The following EGFLAM variants were observed in gnomAD, a reference collection of about 807,000 sequenced individuals.
EGFLAM encodes the protein pikachurin.
Under a neutral mutation model 113.1 loss-of-function variants are expected in EGFLAM, and 79 were observed. That is an observed-to-expected ratio of 0.70 (90% CI 0.58 to 0.84). The LOEUF is 0.84. Ranked by LOEUF, EGFLAM falls within the 40% of genes least tolerant of loss-of-function variation. EGFLAM has a pLI of 0.00. For synonymous variants in EGFLAM, 504 were observed against 487.6 expected (o/e 1.03, Z -0.44); for missense variants, 1,265 against 1,291.6 (o/e 0.98, Z 0.32).
intron 6 of EGFLAM, among the ~76,000 whole-genome samples, chr5:38,394,711 C>CTTTTTTTTTT (rs11451294): frequency 1.6e-5 from 2 of 121,724 alleles, no homozygotes; most frequent in African/African-American, 3.3e-5. Context: ...GCCGGGCCCA[C>CTTTTTTTTTT]TTTTTTTTTT....
intron 1 of EGFLAM, among the ~76,000 whole-genome samples, chr5:38,321,197 C>G (rs1738730128): frequency 6.6e-6 from 1 of 152,090 alleles, no homozygotes; most frequent in Non-Finnish European, 1.5e-5. Context: ...AGTGACAGAT[C>G]ATCAGGCATT....
intron 6 of EGFLAM, among the ~76,000 whole-genome samples, chr5:38,384,082 C>T (rs1160900530): frequency 6.6e-6 from 1 of 151,974 alleles, no homozygotes; most frequent in Non-Finnish European, 1.5e-5. Context: ...ATATTTTAAG[C>T]AGGATTGCTG....
chr5:38,360,504 G>A (rs1739890683), intron 5 of EGFLAM, among the ~76,000 whole-genome samples: 1 of 152,176 alleles, frequency 6.6e-6, no homozygotes, highest in African/African-American at 2.4e-5. Flanking sequence ...AGGCAGTATC[G>A]ATGGATTGCG....
chr5:38,357,482 G>T (rs938585316), intron 5 of EGFLAM, among the ~76,000 whole-genome samples: 2 of 152,028 alleles, frequency 1.3e-5, no homozygotes, highest in Non-Finnish European at 2.9e-5. Context: ...GTGGGGGAGG[G>T]GGTTGTCTGC....
At chr5:38,402,275 GC>G (rs1431175930) in intron 6 of EGFLAM, among the ~76,000 whole-genome samples, 1 of 152,172 alleles carries the variant, frequency 6.6e-6, no homozygotes, top group Non-Finnish European at 1.5e-5. Context: ...AGATTAAGTA[GC>G]ATGATGTAGT....
At chr5:38,337,421 C>T in intron 1 of EGFLAM, 99 bp from the exon 2 acceptor site, 1 of 1,087,664 alleles carries the variant, frequency 9.2e-7, no homozygotes. Context: ...TTTAAGTATG[C>T]TTTTCATCTG....
intron 14 of EGFLAM, chr5:38,427,518 G>T: frequency 2.2e-6 from 1 of 448,012 alleles, no homozygotes; most frequent in Non-Finnish European, 3.9e-6. Flanking sequence ...AAATGGACTT[G>T]CTTCAGGTGG....
At position 38,463,696 on chromosome 5, in the gene EGFLAM, C is replaced by T. The variant is rs141162776; in HGVS notation, c.2876-136C>T. Reference sequence around the variant, plus strand: ...GAGGTACTGAGCAGCTCAAGGGGCCCACAGCCCTCACATGTCCCATGAATC... The same window carrying T: ...GAGGTACTGAGCAGCTCAAGGGGCCTACAGCCCTCACATGTCCCATGAATC... On this transcript the variant is annotated intron_variant, in intron 21 of 21. Coordinates refer to ENST00000322350, the MANE Select transcript of EGFLAM (RefSeq NM_152403.4). The T allele has an allele frequency of 3.0e-3, 2,971 of 1,004,742 alleles. 26 individuals are homozygous for T. Among genetic ancestry groups the T allele is most frequent in the Admixed American group, 0.024 (1,095 of 45,694 alleles). The allele number at this position is 1,004,742 out of a possible 1,614,324, so 62.2% of individuals were successfully genotyped here.
chr5:38,383,772 A>C (rs559209593), intron 6 of EGFLAM, among the ~76,000 whole-genome samples: 1 of 151,998 alleles, frequency 6.6e-6, no homozygotes, highest in Admixed American at 6.6e-5. Context: ...GCTGCTTGGG[A>C]TAGGCTATCA....
intron 6 of EGFLAM, 34 bp from the exon 7 acceptor site, chr5:38,406,092 G>C: frequency 6.4e-7 from 1 of 1,553,274 alleles, no homozygotes; most frequent in Non-Finnish European, 8.9e-7. Flanking sequence ...GAAGGCCTGT[G>C]CTGATGAAGG....
intron 1 of EGFLAM, among the ~76,000 whole-genome samples, chr5:38,332,627 G>A (rs1271336457): frequency 6.6e-6 from 1 of 152,202 alleles, no homozygotes; most frequent in Non-Finnish European, 1.5e-5. Context: ...CTGACAGCAA[G>A]CCAGTGATAA....
chr5:38,332,249 GTCTTGGTCCA>G (rs1739062543), intron 1 of EGFLAM, among the ~76,000 whole-genome samples: 1 of 152,044 alleles, frequency 6.6e-6, no homozygotes, highest in South Asian at 2.1e-4. Context: ...GTCTGTTAAG[GTCTTGGTCCA>G]TCTTTCTTTT....
chr5:38,372,669 A>C (rs1740256038), intron 6 of EGFLAM, among the ~76,000 whole-genome samples: 1 of 152,202 alleles, frequency 6.6e-6, no homozygotes, highest in African/African-American at 2.4e-5. Context: ...GGTGGACAAA[A>C]CCATGCTAAG....
chr5:38,345,717 C>T (rs1362497458), intron 3 of EGFLAM: 1 of 152,156 alleles, frequency 6.6e-6, no homozygotes, highest in Non-Finnish European at 1.5e-5. Context: ...AACATCTTGA[C>T]TTGTCTTCAG....
At chr5:38,435,356 T>G in intron 16 of EGFLAM, 103 bp downstream of exon 16, 1 of 887,142 alleles carries the variant, frequency 1.1e-6, no homozygotes, top group Non-Finnish European at 1.8e-6. Context: ...AAAGACACTT[T>G]GAGAAAGTTT....
chr5:38,396,063 T>TTTTTTTTTTTTTTTTTTTTTTTTTTGAG (rs1482050151), intron 6 of EGFLAM, among the ~76,000 whole-genome samples: 2 of 151,960 alleles, frequency 1.3e-5, no homozygotes, highest in African/African-American at 4.8e-5. Flanking sequence ...ACCCACTCTT[T>TTTTTTTTTTTTTTTTTTTTTTTTTTGAG]AAAAGCCTCC....
At position 38,407,128 on chromosome 5, in the gene EGFLAM, G is replaced by A. The variant is rs201837940; in HGVS notation, c.1129G>A (p.Gly377Ser). Residue 377 changes from glycine (G) to serine (S), a missense_variant, in exon 8 of 22, where the codon GGT becomes AGT. Gly to Ser is a moderately conservative substitution (Grantham distance 56). Transcript: ENST00000322350. ...ATGCCAGTGCACCCTGGGCAAAGGT[G>A]GTGAGAGCTGCTCAGAAGGTAGGCC... Reference protein sequence around the residue: ...SRCQCTLGKGGESCSEDIVIQ... With the variant: ...SRCQCTLGKGSESCSEDIVIQ... The A allele has an allele frequency of 1.3e-4, 211 of 1,613,254 alleles. 1 individual carries two copies. Among genetic ancestry groups the A allele is most frequent in the Non-Finnish European group, 1.4e-4 (160 of 1,180,004 alleles).
chr5:38,376,847 T>G, intron 6 of EGFLAM, among the ~76,000 whole-genome samples: 1 of 152,056 alleles, frequency 6.6e-6, no homozygotes, highest in Non-Finnish European at 1.5e-5. Context: ...ATTTTTGTAT[T>G]TTTTGTAGAG....
chr5:38,310,918 G>T (rs765355564), intron 1 of EGFLAM, among the ~76,000 whole-genome samples: 4 of 152,082 alleles, frequency 2.6e-5, no homozygotes, highest in Non-Finnish European at 4.4e-5. Flanking sequence ...ACAGAGCCTT[G>T]TGATGGGGAC....
Sources: allele counts gnomAD v4.1 joint callset (sites outside exome capture counted in the v4.1 genomes callset), GRCh38; gene constraint gnomAD v4.1.1; transcripts MANE v1.5; gene names NCBI Gene and HGNC (gene_info 2026-07-23, HGNC 2026-07-21).